Variants in BCL2L1 observed in about 807,000 individuals in gnomAD.
The protein encoded by BCL2L1 is bcl-2-like protein 1.
In BCL2L1, 1 loss-of-function variant was observed where a neutral mutation model predicts 18.7. The ratio of observed to expected loss-of-function variants is 0.05; its 90% CI spans 0.02 to 0.25. The LOEUF is 0.25. Among genes scored for constraint, BCL2L1 ranks in the 10% least tolerant of loss-of-function variants. The probability of loss-of-function intolerance (pLI) is 1.00; values close to 1 mark genes in which losing one functional copy is unlikely to be tolerated. For synonymous variants in BCL2L1, 103 were observed against 122.7 expected (o/e 0.84, Z 1.06); for missense variants, 207 against 304.9 (o/e 0.68, Z 2.39).
At chr20:31,695,619 C>T (rs2061154231) in intron 2 of BCL2L1, among the ~76,000 whole-genome samples, 1 of 152,198 alleles carries the variant, frequency 6.6e-6, no homozygotes, top group Admixed American at 6.5e-5. Context: ...TACAGACATG[C>T]ACCACTATGC....
At chr20:31,711,089 G>C (rs1050349924) in intron 2 of BCL2L1, among the ~76,000 whole-genome samples, 4 of 152,202 alleles carry the variant, frequency 2.6e-5, no homozygotes, top group African/African-American at 9.7e-5. Context: ...CTTCACAGGA[G>C]AGCATTTGTG....
At chr20:31,696,517 C>T (rs962149556) in intron 2 of BCL2L1, among the ~76,000 whole-genome samples, 2 of 152,190 alleles carry the variant, frequency 1.3e-5, no homozygotes, top group Non-Finnish European at 2.9e-5. Flanking sequence ...CTCTAGGGCA[C>T]TTACTTCTAG....
intron 2 of BCL2L1, among the ~76,000 whole-genome samples, chr20:31,703,482 A>G (rs1350742980): frequency 7.0e-6 from 1 of 143,750 alleles, no homozygotes; most frequent in Admixed American, 6.9e-5. Flanking sequence ...CCTGGCCTAA[A>G]CTTGGTGGTT....
At chr20:31,690,714 G>T (rs1393714158) in intron 2 of BCL2L1, among the ~76,000 whole-genome samples, 1 of 152,042 alleles carries the variant, frequency 6.6e-6, no homozygotes. Context: ...GGGATTACAG[G>T]CGTGCGCCAT....
chr20:31,723,507 C>T (rs971224232), upstream of BCL2L1: 3 of 985,170 alleles, frequency 3.0e-6, no homozygotes, highest in African/African-American at 3.5e-5. Context: ...TGCGGCCTAG[C>T]GGCTTCTCGA....
chr20:31,706,549 T>C (rs1352134468), intron 2 of BCL2L1, among the ~76,000 whole-genome samples: 1 of 152,224 alleles, frequency 6.6e-6, no homozygotes, highest in Non-Finnish European at 1.5e-5. Flanking sequence ...GACATAGTTT[T>C]TATCCTCAGT....
intron 2 of BCL2L1, among the ~76,000 whole-genome samples, chr20:31,703,800 GTTT>G (rs1200728150): frequency 1.7e-5 from 2 of 116,286 alleles, no homozygotes; most frequent in Admixed American, 9.1e-5. Context: ...CCCTGAACTT[GTTT>G]TTTTTTTTTT....
Position 31,664,958 on chromosome 20 carries a change from C to G in BCL2L1, c.*991G>C, listed in dbSNP as rs1463871491. The G allele has an allele frequency of 9.8e-6, 2 of 203,832 alleles. No homozygotes were observed. Among genetic ancestry groups the G allele is most frequent in the Non-Finnish European group, 2.0e-5 (2 of 98,892 alleles). 12.6% of individuals were successfully genotyped at this position (203,832 alleles called of 1,614,324 possible). Reference sequence around the variant, plus strand: ...CTGGCCCTTCTAGTCAGCCCTACCCCACCCCATGCAGCAGGCTCTCCTTCC... The same window carrying G: ...CTGGCCCTTCTAGTCAGCCCTACCCGACCCCATGCAGCAGGCTCTCCTTCC... On this transcript the variant is annotated 3_prime_UTR_variant, in exon 3 of 3. Transcript: ENST00000307677.
intron 2 of BCL2L1, chr20:31,686,070 A>G (rs2060950796): frequency 6.6e-6 from 1 of 152,186 alleles, no homozygotes; most frequent in African/African-American, 2.4e-5. Context: ...ACGTTCCAAG[A>G]GCTATGCCAT....
chr20:31,683,736 T>C (rs1278979203), intron 2 of BCL2L1, among the ~76,000 whole-genome samples: 4 of 118,684 alleles, frequency 3.4e-5, no homozygotes, highest in Non-Finnish European at 4.9e-5. Context: ...GCCACTGCAC[T>C]CCAGCCTGGG....
In BCL2L1 at chr20:31,722,117, C is replaced by A. The variant is rs2122879900; in HGVS notation, c.102G>T (p.Arg34Ser). ...ATTCAGTCCCTTCTGGGGCCTCAGT[C>A]CTGTTCTCTTCCACATCACTAAACT... ...WSQFSDVEEN[R>S]TEAPEGTESE... The change falls in exon 2 of 3, where the codon AGG (arginine) becomes AGT (serine). Residue 34 changes from arginine (R) to serine (S), a missense_variant. Physicochemically the swap from Arg to Ser is moderately radical, Grantham distance 110. Transcript: ENST00000307677. The A allele has an allele frequency of 6.4e-7, 1 of 1,558,816 alleles. No homozygotes were observed. The highest frequency in any genetic ancestry group is 8.7e-7 in the Non-Finnish European group (1 of 1,154,954).
At chr20:31,694,420 T>C (rs6060763) in intron 2 of BCL2L1, among the ~76,000 whole-genome samples, 44,157 of 151,832 alleles carry the variant, frequency 0.29, 8,058 homozygotes, top group African/African-American at 0.51. Flanking sequence ...ATTAGGTTTC[T>C]TGGGAAGGGC....
intron 2 of BCL2L1, among the ~76,000 whole-genome samples, chr20:31,679,593 C>A (rs887377960): frequency 6.6e-6 from 1 of 152,198 alleles, no homozygotes; most frequent in African/African-American, 2.4e-5. Flanking sequence ...ACAGGCCTAG[C>A]AGCAGAGTTC....
intron 2 of BCL2L1, among the ~76,000 whole-genome samples, chr20:31,687,274 C>T (rs2060974146): frequency 2.0e-5 from 3 of 152,090 alleles, no homozygotes; most frequent in Admixed American, 6.6e-5. Flanking sequence ...GATGGGTCAT[C>T]CCTAAAGGAC....
At chr20:31,682,918 AT>A (rs754323392) in intron 2 of BCL2L1, among the ~76,000 whole-genome samples, 6 of 152,110 alleles carry the variant, frequency 3.9e-5, no homozygotes, top group Non-Finnish European at 7.4e-5. Context: ...TGTATTCCAA[AT>A]TTATCTAGAG....
chr20:31,689,979 T>C (rs961829106), intron 2 of BCL2L1, among the ~76,000 whole-genome samples: 2 of 152,184 alleles, frequency 1.3e-5, no homozygotes, highest in Non-Finnish European at 2.9e-5. Context: ...GATCGCGCTA[T>C]TGCACTCCAG....
rs146662184 is a variant in BCL2L1 at position 31,721,378 on chromosome 20, G to A, written c.564+277C>T. On this transcript the variant is annotated intron_variant, in intron 2 of 2. Coordinates refer to ENST00000307677, the MANE Select transcript of BCL2L1 (RefSeq NM_138578.3). ...GGTTTGGGACTTAATGAACACATAG[G>A]CTACAGTTTTCTTTGCTGAGAAACT... is the stretch of plus-strand genomic sequence containing the variant. 97 of 450,766 alleles carry A rather than the reference G, an allele frequency of 2.2e-4. No homozygotes were observed. The East Asian group carries it at 3.3e-3, about 15-fold the overall frequency. The allele number at this position is 450,766 out of a possible 1,614,324, so 27.9% of individuals were successfully genotyped here. A position where few individuals can be genotyped will look rare whatever the true frequency, so the allele number is the denominator to read the frequency against.
At chr20:31,697,892 G>GTTTTTTTTTTTTGTTTTTTTT (rs1555871507) in intron 2 of BCL2L1, among the ~76,000 whole-genome samples, 3 of 129,640 alleles carry the variant, frequency 2.3e-5, no homozygotes, top group African/African-American at 9.8e-5. Context: ...TGCTGTTGCT[G>GTTTTTTTTTTTTGTTTTTTTT]TTTTTTTTTT....
intron 2 of BCL2L1, among the ~76,000 whole-genome samples, chr20:31,686,906 C>A (rs936589610): frequency 6.6e-6 from 1 of 152,206 alleles, no homozygotes; most frequent in African/African-American, 2.4e-5. Flanking sequence ...GACTTGTATT[C>A]TGTCTTTATT....
Sources: allele counts gnomAD v4.1 joint callset (sites outside exome capture counted in the v4.1 genomes callset), GRCh38; gene constraint gnomAD v4.1.1; transcripts MANE v1.5; gene names NCBI Gene and HGNC (gene_info 2026-07-23, HGNC 2026-07-21).